PTPRR: variants seen among roughly 807,000 people sequenced by gnomAD.
The protein encoded by PTPRR is receptor-type tyrosine-protein phosphatase R.
Under a neutral mutation model 77.2 loss-of-function variants are expected in PTPRR, and 38 were observed. That is an observed-to-expected ratio of 0.49 (90% CI 0.38 to 0.65). PTPRR has a LOEUF of 0.65. PTPRR is among the 30% of genes least tolerant of loss of function. The pLI is 0.00. For missense variants in PTPRR, 744 were observed against 799.2 expected (o/e 0.93, Z 0.83); for synonymous variants, 299 against 283.1 (o/e 1.06, Z -0.57).
intron 6 of PTPRR, among the ~76,000 whole-genome samples, chr12:70,730,045 C>T (rs1174959001): frequency 6.6e-6 from 1 of 152,022 alleles, no homozygotes; most frequent in Non-Finnish European, 1.5e-5. Context: ...CTATTATTGA[C>T]ATTGTGTTAA....
intron 5 of PTPRR, among the ~76,000 whole-genome samples, chr12:70,750,926 G>T (rs1013763699): frequency 7.3e-6 from 1 of 137,756 alleles, no homozygotes; most frequent in African/African-American, 2.7e-5. Flanking sequence ...TTTTTGTAAA[G>T]ACAGGGTCTC....
intron 10 of PTPRR, among the ~76,000 whole-genome samples, chr12:70,665,819 C>G (rs1592650016): frequency 6.7e-6 from 1 of 150,020 alleles, no homozygotes; most frequent in Non-Finnish European, 1.5e-5. Flanking sequence ...AAGTTATTTT[C>G]TTTTTAGTTT....
At chr12:70,745,473 G>A (rs1173827849) in intron 6 of PTPRR, among the ~76,000 whole-genome samples, 1 of 152,226 alleles carries the variant, frequency 6.6e-6, no homozygotes, top group African/African-American at 2.4e-5. Flanking sequence ...TTCATTCTCA[G>A]TCTTCTACCT....
intron 10 of PTPRR, among the ~76,000 whole-genome samples, chr12:70,675,180 C>T (rs2136707263): frequency 6.6e-6 from 1 of 151,962 alleles, no homozygotes; most frequent in South Asian, 2.1e-4. Flanking sequence ...TTTTTCCATC[C>T]TTTCCATTTT....
chr12:70,861,620 C>T (rs1892754872), intron 2 of PTPRR, among the ~76,000 whole-genome samples: 1 of 152,056 alleles, frequency 6.6e-6, no homozygotes, highest in African/African-American at 2.4e-5. Flanking sequence ...GGATTGATCG[C>T]AGTTGGGGCT....
chr12:70,665,682 G>A (rs575527423), intron 10 of PTPRR, among the ~76,000 whole-genome samples: 3 of 151,382 alleles, frequency 2.0e-5, no homozygotes, highest in African/African-American at 7.3e-5. Flanking sequence ...GCGCCCGGCC[G>A]CCAGCTCATA....
chr12:70,860,227 A>G (rs1036118110), intron 2 of PTPRR, among the ~76,000 whole-genome samples: 1 of 152,154 alleles, frequency 6.6e-6, no homozygotes, highest in Admixed American at 6.6e-5. Flanking sequence ...AAGGAAATGA[A>G]TGCATAAGTA....
chr12:70,769,245 G>C (rs1890908344), intron 2 of PTPRR, among the ~76,000 whole-genome samples: 1 of 151,004 alleles, frequency 6.6e-6, no homozygotes. Flanking sequence ...CGACGTGATT[G>C]TATATCTAGA....
At chr12:70,864,952 C>A (rs1209393193) in intron 2 of PTPRR, among the ~76,000 whole-genome samples, 3 of 152,060 alleles carry the variant, frequency 2.0e-5, no homozygotes, top group Non-Finnish European at 4.4e-5. Context: ...GCTGGGATTA[C>A]AGGCGTGCGT....
chr12:70,879,110 G>T (rs1021768759), intron 2 of PTPRR, among the ~76,000 whole-genome samples: 5 of 152,098 alleles, frequency 3.3e-5, no homozygotes, highest in Non-Finnish European at 7.4e-5. Context: ...TGTGGGGTGT[G>T]GGGAGGGGGA....
rs566067687 is a variant in PTPRR at position 70,801,549 on chromosome 12, C to A, written c.358-36771G>T. Among the ~76,000 whole-genome samples, 6 of 152,310 alleles carry A rather than the reference C, an allele frequency of 3.9e-5. 1 individual carries two copies. The South Asian group carries it at 1.2e-3, about 32-fold the overall frequency. Reference sequence around the variant, plus strand: ...TCTTGTACGTGGATTCAGATTCGAACTTACACCATTGCCTTTCTTGGTTCT... The same window carrying A: ...TCTTGTACGTGGATTCAGATTCGAAATTACACCATTGCCTTTCTTGGTTCT... On this transcript the variant is annotated intron_variant, in intron 2 of 13. Transcript: ENST00000283228.
intron 6 of PTPRR, among the ~76,000 whole-genome samples, chr12:70,707,374 T>TA (rs927494054): frequency 3.3e-5 from 5 of 152,078 alleles, no homozygotes; most frequent in African/African-American, 4.8e-5. Context: ...GATTTACTTT[T>TA]AAAAAAAGGA....
chr12:70,754,426 C>T (rs1890504812), intron 4 of PTPRR, 125 bp from the exon 5 acceptor site: 11 of 1,563,926 alleles, frequency 7.0e-6, no homozygotes, highest in Non-Finnish European at 9.4e-6. Flanking sequence ...CTACACCCCC[C>T]GCTGCCAGAG....
At chr12:70,766,756 G>T (rs1471686144) in intron 2 of PTPRR, among the ~76,000 whole-genome samples, 8 of 152,118 alleles carry the variant, frequency 5.3e-5, no homozygotes, top group African/African-American at 1.7e-4. Flanking sequence ...GTTAAGGGCA[G>T]CCAGAGAGAA....
rs539503273 is a variant in PTPRR at position 70,648,258 on chromosome 12, T to A, written c.1880+8446A>T. Among the ~76,000 whole-genome samples, 167 of 152,258 alleles carry A rather than the reference T, an allele frequency of 1.1e-3. 1 individual carries two copies. The highest frequency in any genetic ancestry group is 3.7e-3 in the African/African-American group (155 of 41,546). On this transcript the variant is annotated intron_variant, in intron 13 of 13. Coordinates refer to ENST00000283228, the MANE Select transcript of PTPRR (RefSeq NM_002849.4). ...GATTTTAAAAAAAAACCCACCCTTT[T>A]CCTAGGAGATGTTTGGCAAATGTTA...
intron 10 of PTPRR, among the ~76,000 whole-genome samples, chr12:70,664,926 G>T (rs925662077): frequency 6.6e-6 from 1 of 152,192 alleles, no homozygotes; most frequent in Non-Finnish European, 1.5e-5. Flanking sequence ...GTGGGGGACA[G>T]CTGCAAATGC....
In PTPRR at chr12:70,868,233, C is replaced by T. The variant is rs565089864; in HGVS notation, c.357+24446G>A. On this transcript the variant is annotated intron_variant, in intron 2 of 13. Coordinates refer to ENST00000283228, the MANE Select transcript of PTPRR (RefSeq NM_002849.4). ...GCTTCTGCACAGCAAAAGAAACTAC[C>T]ATCAGAGTGAGCAGGCAACCTACAA... Among the ~76,000 whole-genome samples the T allele has an allele frequency of 9.2e-4, 140 of 151,984 alleles. 2 individuals are homozygous for T. The highest frequency in any genetic ancestry group is 4.2e-4 in the South Asian group (2 of 4,804).
intron 2 of PTPRR, among the ~76,000 whole-genome samples, chr12:70,888,221 A>G (rs1893275029): frequency 6.6e-6 from 1 of 152,170 alleles, no homozygotes. Flanking sequence ...ATATGAGATA[A>G]TACTCGCATA....
At chr12:70,821,622 G>C (rs1033510901) in intron 2 of PTPRR, among the ~76,000 whole-genome samples, 1 of 151,836 alleles carries the variant, frequency 6.6e-6, no homozygotes, top group African/African-American at 2.4e-5. Context: ...TACTCTGTGA[G>C]GGAGAGCGTG....
Sources: gnomAD v4.1 joint callset for allele counts (sites outside exome capture counted in the v4.1 genomes callset) on GRCh38, gnomAD v4.1.1 for gene constraint, MANE v1.5 for transcripts, NCBI Gene and HGNC (gene_info 2026-07-23, HGNC 2026-07-21) for gene names.